The following SWT1 variants were observed in gnomAD, a reference collection of about 807,000 sequenced individuals.
SWT1 encodes SWT1 RNA endoribonuclease homolog, also known as transcriptional protein SWT1.
SWT1 carries 33 observed loss-of-function variants against 107.3 expected under a neutral mutation model. The ratio of observed to expected loss-of-function variants is 0.31; its 90% CI spans 0.23 to 0.41. SWT1 has a LOEUF of 0.41. Ranked by LOEUF, SWT1 falls within the 10% of genes least tolerant of loss-of-function variation. SWT1 has a pLI of 1.00. For missense variants in SWT1, 898 were observed against 1,028.9 expected (o/e 0.87, Z 1.74); for synonymous variants, 345 against 348.3 (o/e 0.99, Z 0.11).
At chr1:185,211,300 A>G (rs1658782721) in intron 13 of SWT1, among the ~76,000 whole-genome samples, 1 of 152,208 alleles carries the variant, frequency 6.6e-6, no homozygotes, top group African/African-American at 2.4e-5. Context: ...CTATACTACA[A>G]GGCTACAGTA....
At position 185,268,733 on chromosome 1, in the gene SWT1, CTTGTT is replaced by C. The variant is rs1316287119; in HGVS notation, c.2442-2587_2442-2583del. On this transcript the variant is annotated intron_variant, in intron 16 of 18. Transcript: ENST00000367500. ...TTACTAGCCTCATAATATAGAACAT[CTTGTT>C]TTATCTGATTTTCTCGCCCTCTTTT... Among the ~76,000 whole-genome samples the C allele has an allele frequency of 3.3e-5, 5 of 152,136 alleles. No homozygotes were observed. In the South Asian group the frequency reaches 1.0e-3, roughly 32 times the overall value.
chr1:185,268,071 GT>G (rs1663536489), intron 16 of SWT1, among the ~76,000 whole-genome samples: 1 of 152,114 alleles, frequency 6.6e-6, no homozygotes, highest in Non-Finnish European at 1.5e-5. Flanking sequence ...TCAACCCCAA[GT>G]TGACTGCATT....
At chr1:185,192,628 G>C (rs955457474) in intron 10 of SWT1, among the ~76,000 whole-genome samples, 1 of 151,088 alleles carries the variant, frequency 6.6e-6, no homozygotes, top group Non-Finnish European at 1.5e-5. Context: ...TTAATATAGA[G>C]AACACGTCTG....
At chr1:185,198,341 G>A (rs556695721) in intron 10 of SWT1, among the ~76,000 whole-genome samples, 49 of 152,284 alleles carry the variant, frequency 3.2e-4, no homozygotes, top group African/African-American at 1.1e-3. Context: ...CATTTGCTGA[G>A]GAGTGTTTTA....
intron 10 of SWT1, among the ~76,000 whole-genome samples, chr1:185,195,450 A>G (rs1657304489): frequency 6.6e-6 from 1 of 152,200 alleles, no homozygotes; most frequent in African/African-American, 2.4e-5. Context: ...ATAGTGCCGC[A>G]ATAAACATAT....
At chr1:185,173,728 C>A in intron 4 of SWT1, among the ~76,000 whole-genome samples, 1 of 150,574 alleles carries the variant, frequency 6.6e-6, no homozygotes, top group East Asian at 2.0e-4. Flanking sequence ...AAAGAGAAAT[C>A]GGATAGGCCG....
At chr1:185,268,055 C>T (rs1051272362) in intron 16 of SWT1, among the ~76,000 whole-genome samples, 4 of 152,152 alleles carry the variant, frequency 2.6e-5, no homozygotes, top group African/African-American at 7.2e-5. Context: ...GTAATGAAGT[C>T]TAAATTCAAC....
rs1000681349 is a variant in SWT1, at chr1:185,207,243, T to C, written c.1972+480T>C. On this transcript the variant is annotated intron_variant, in intron 13 of 18. Coordinates refer to ENST00000367500, the MANE Select transcript of SWT1 (RefSeq NM_017673.7). ...GAACAGGAAACCTTTGGCTTTGGTG[T>C]ATAGTGAATTTTAGAACTGGAAGAG... is the stretch of plus-strand genomic sequence containing the variant. 3.9e-5 allele frequency among the ~76,000 whole-genome samples: 6 copies of C among 152,220 alleles called. No individual in the cohort carries two copies. The East Asian group carries it at 9.6e-4, about 24-fold the overall frequency.
intron 16 of SWT1, among the ~76,000 whole-genome samples, chr1:185,239,653 T>C (rs1261638479): frequency 6.6e-6 from 1 of 152,100 alleles, no homozygotes; most frequent in Non-Finnish European, 1.5e-5. Context: ...TGAGCACTTT[T>C]GTTAATAGTT....
chr1:185,269,102 T>G (rs1335503445), intron 16 of SWT1, among the ~76,000 whole-genome samples: 1 of 152,184 alleles, frequency 6.6e-6, no homozygotes, highest in African/African-American at 2.4e-5. Flanking sequence ...TTTGCCCGCC[T>G]CAGCCTCCCA....
rs572480120 is a variant in SWT1 at position 185,176,978 on chromosome 1, C to T, written c.966+1865C>T. On this transcript the variant is annotated intron_variant, in intron 5 of 18. Coordinates refer to ENST00000367500, the MANE Select transcript of SWT1 (RefSeq NM_017673.7). ...CAGCCTGGGCGACAGAGCAAGACTCCGTCTTAAAAAAAAAAAAAAAAAAGA... is the reference window on the plus strand; with the variant it reads ...CAGCCTGGGCGACAGAGCAAGACTCTGTCTTAAAAAAAAAAAAAAAAAAGA... The T allele has an allele frequency of 3.7e-4, 321 of 864,088 alleles. 1 individual carries two copies. The East Asian group carries it at 5.4e-3, about 14-fold the overall frequency. The allele number at this position is 864,088 out of a possible 1,614,324, so 53.5% of individuals were successfully genotyped here. A position where few individuals can be genotyped will look rare whatever the true frequency, so the allele number is the denominator to read the frequency against.
intron 16 of SWT1, among the ~76,000 whole-genome samples, chr1:185,235,180 T>C (rs1053263291): frequency 6.6e-6 from 1 of 151,900 alleles, no homozygotes; most frequent in Admixed American, 6.6e-5. Context: ...TTCCAAACAA[T>C]AGAAAAAGAG....
Position 185,168,321 on chromosome 1 carries a change from CT to C in SWT1, c.166-12del. 10 of 696,712 alleles carry C rather than the reference CT, an allele frequency of 1.4e-5. No homozygotes were observed. Among genetic ancestry groups the C allele is most frequent in the Non-Finnish European group, 1.7e-5 (9 of 536,908 alleles). The allele number at this position is 696,712 out of a possible 1,614,324, so 43.2% of individuals were successfully genotyped here. ...TGTACCAGTGCACAATTTATGTGTC[CT>C]TTTTTTATTTATTTCAGAAATCAGA... On this transcript the variant is annotated intron_variant, in intron 3 of 18. Coordinates refer to ENST00000367500, the MANE Select transcript of SWT1 (RefSeq NM_017673.7).
chr1:185,183,305 G>GT (rs1160041630), intron 7 of SWT1, among the ~76,000 whole-genome samples: 1 of 151,652 alleles, frequency 6.6e-6, no homozygotes, highest in African/African-American at 2.4e-5. Flanking sequence ...TTTTGTTTTT[G>GT]TTTTTTTGAG....
At chr1:185,225,792 T>C (rs954406699) in intron 15 of SWT1, among the ~76,000 whole-genome samples, 2 of 152,194 alleles carry the variant, frequency 1.3e-5, no homozygotes, top group African/African-American at 4.8e-5. Flanking sequence ...ATTCTTATTG[T>C]CTTAAGTGAC....
intron 16 of SWT1, among the ~76,000 whole-genome samples, chr1:185,232,749 T>C (rs1483602641): frequency 2.0e-5 from 3 of 152,192 alleles, no homozygotes; most frequent in Non-Finnish European, 4.4e-5. Context: ...ACTGGAAATA[T>C]TGCATACTAT....
intron 9 of SWT1, among the ~76,000 whole-genome samples, chr1:185,186,594 G>A (rs997441612): frequency 8.6e-5 from 13 of 151,446 alleles, no homozygotes; most frequent in South Asian, 2.1e-4. Flanking sequence ...GACATATAAC[G>A]TTAAATAAAA....
chr1:185,236,607 A>G (rs1027629430), intron 16 of SWT1, among the ~76,000 whole-genome samples: 22 of 152,224 alleles, frequency 1.4e-4, no homozygotes, highest in Admixed American at 2.0e-4. Flanking sequence ...ACCTAAAACC[A>G]TAAAAACTTT....
chr1:185,175,090 C>T lies in SWT1; in HGVS notation c.943C>T (p.His315Tyr). Residue 315 changes from histidine (H) to tyrosine (Y), a missense_variant, in exon 5 of 19, where the codon CAT becomes TAT. Transcript: ENST00000367500. Reference sequence around the variant, plus strand: ...TGACCATCAAGAAAGTAATGATTCACATTCTAGGGAAAACCTAACCCAGGT... The same window carrying T: ...TGACCATCAAGAAAGTAATGATTCATATTCTAGGGAAAACCTAACCCAGGT... ...HYDHQESNDS[H>Y]SRENLTQSFE... The T allele has an allele frequency of 6.4e-7, 1 of 1,560,556 alleles. No homozygotes were observed. The highest frequency in any genetic ancestry group is 8.7e-7 in the Non-Finnish European group (1 of 1,155,750).
Sources: gnomAD v4.1 joint callset for allele counts (sites outside exome capture counted in the v4.1 genomes callset) on GRCh38, gnomAD v4.1.1 for gene constraint, MANE v1.5 for transcripts, NCBI Gene and HGNC (gene_info 2026-07-23, HGNC 2026-07-21) for gene names.